Variants in DOCK7 observed in about 807,000 individuals in gnomAD.
The protein encoded by DOCK7 is dedicator of cytokinesis 7, also known as dedicator of cytokinesis protein 7.
Under a neutral mutation model 271.0 loss-of-function variants are expected in DOCK7, and 138 were observed. That is an observed-to-expected ratio of 0.51 (90% CI 0.44 to 0.59). DOCK7 has a LOEUF of 0.59. DOCK7 is among the 20% of genes least tolerant of loss of function. The probability of loss-of-function intolerance (pLI) is 0.00; values close to 1 mark genes in which losing one functional copy is unlikely to be tolerated. For missense variants in DOCK7, 2,066 were observed against 2,592.4 expected (o/e 0.80, Z 4.41); for synonymous variants, 823 against 876.1 (o/e 0.94, Z 1.07).
At chr1:62,600,003 A>T (rs1417015993) in intron 14 of DOCK7, among the ~76,000 whole-genome samples, 1 of 151,996 alleles carries the variant, frequency 6.6e-6, no homozygotes, top group African/African-American at 2.4e-5. Flanking sequence ...TATAAAACAA[A>T]TATTATTACC....
chr1:62,677,437 A>G (rs945324768), intron 1 of DOCK7, among the ~76,000 whole-genome samples: 1 of 152,204 alleles, frequency 6.6e-6, no homozygotes, highest in Non-Finnish European at 1.5e-5. Context: ...TATCCAAGAT[A>G]CGAAGATAAG....
intron 14 of DOCK7, chr1:62,597,798 T>C: frequency 6.2e-7 from 1 of 1,613,508 alleles, no homozygotes; most frequent in Non-Finnish European, 8.5e-7. Flanking sequence ...ACTCAACATA[T>C]TTGATCAGTC....
At chr1:62,641,423 TG>T in intron 7 of DOCK7, 1 of 400,236 alleles carries the variant, frequency 2.5e-6, no homozygotes, top group Non-Finnish European at 5.0e-6. Context: ...CATCTTGAGG[TG>T]GTCCAAAGCA....
At chr1:62,545,246 G>T (rs1557694925) in intron 22 of DOCK7, among the ~76,000 whole-genome samples, 1 of 151,600 alleles carries the variant, frequency 6.6e-6, no homozygotes, top group Non-Finnish European at 1.5e-5. Context: ...AAATCACCAA[G>T]ACCATTAAGT....
At chr1:62,577,411 A>C (rs1218744984) in intron 17 of DOCK7, 48 bp from the exon 18 acceptor site, 27 of 1,437,320 alleles carry the variant, frequency 1.9e-5, no homozygotes, top group Non-Finnish European at 2.5e-5. Context: ...GCTTGCTATA[A>C]AAATAATTAC....
At chr1:62,581,289 A>G (rs1273690593) in intron 16 of DOCK7, among the ~76,000 whole-genome samples, 1 of 152,218 alleles carries the variant, frequency 6.6e-6, no homozygotes, top group Non-Finnish European at 1.5e-5. Flanking sequence ...ACAGGACAGC[A>G]CAGGTTATGT....
intron 25 of DOCK7, 106 bp from the exon 26 acceptor site, chr1:62,539,998 T>C: frequency 2.9e-6 from 2 of 696,544 alleles, no homozygotes; most frequent in Non-Finnish European, 4.4e-6. Flanking sequence ...ATTTAATAGA[T>C]GACTGAAATA....
chr1:62,671,041 T>C (rs1226672659), intron 1 of DOCK7, among the ~76,000 whole-genome samples: 2 of 151,854 alleles, frequency 1.3e-5, no homozygotes, highest in African/African-American at 4.8e-5. Context: ...ACGCGCTGCC[T>C]TAAGAGCTGT....
chr1:62,457,798 TGGGCTTA>T, intron 48 of DOCK7, 93 bp from the exon 49 acceptor site: 9 of 1,194,204 alleles, frequency 7.5e-6, no homozygotes, highest in African/African-American at 1.5e-5. Flanking sequence ...CATATATATG[TGGGCTTA>T]ATGACACACA....
intron 2 of DOCK7, among the ~76,000 whole-genome samples, chr1:62,656,229 T>C (rs1053980059): frequency 9.2e-5 from 14 of 152,146 alleles, no homozygotes; most frequent in African/African-American, 2.4e-5. Flanking sequence ...TGCTTAAAAC[T>C]ATAAAGCTAT....
intron 12 of DOCK7, among the ~76,000 whole-genome samples, chr1:62,624,290 A>G (rs1182746925): frequency 1.2e-4 from 19 of 152,168 alleles, no homozygotes; most frequent in Admixed American, 1.2e-3. Flanking sequence ...CATGCAGTGC[A>G]CTATTTTTTC....
chr1:62,658,685 C>T (rs1183731230), intron 2 of DOCK7, among the ~76,000 whole-genome samples: 2 of 152,078 alleles, frequency 1.3e-5, no homozygotes, highest in African/African-American at 4.8e-5. Flanking sequence ...CGCAGTAGCT[C>T]ATGGCTGTAA....
rs1266566201 is a variant in DOCK7 at position 62,460,632 on chromosome 1, CACACACA to C, written c.6213-2934_6213-2928del. Among the ~76,000 whole-genome samples, 7 of 150,710 alleles carry C rather than the reference CACACACA, an allele frequency of 4.6e-5. No individual in the cohort carries two copies. The South Asian group carries it at 6.3e-4, about 14-fold the overall frequency. On this transcript the variant is annotated intron_variant, in intron 48 of 49. Transcript: ENST00000635253. Reference sequence around the variant, plus strand: ...ACACACACACACACACACACACACACACACACACCCTCCAAGTATTTTTCTTTTTTTC... The same window carrying C: ...ACACACACACACACACACACACACACCCCTCCAAGTATTTTTCTTTTTTTC...
chr1:62,635,100 T>C (rs1233232719), intron 8 of DOCK7, 178 bp from the exon 9 acceptor site: 1 of 411,140 alleles, frequency 2.4e-6, no homozygotes, highest in African/African-American at 2.1e-5. Context: ...AATTTCTATT[T>C]TCTTTTTAAA....
chr1:62,536,020 C>A (rs1645333993), intron 28 of DOCK7, among the ~76,000 whole-genome samples: 3 of 152,086 alleles, frequency 2.0e-5, no homozygotes, highest in Admixed American at 2.0e-4. Context: ...ATAGTCAAGG[C>A]TATTGGTTTC....
chr1:62,535,507 G>A lies in DOCK7; in HGVS notation c.3597C>T (p.Asp1199=), dbSNP rs747030545. Residue 1199 remains aspartate (D), a synonymous_variant, in exon 29 of 50, where the codon GAC becomes GAT. Coordinates refer to ENST00000635253, the MANE Select transcript of DOCK7 (RefSeq NM_001367561.1). ...LVLTELAVIL[D]PDAEGLFGLH... The stretch of plus-strand genomic sequence containing the variant: ...AGTGTACTCACCCTTCAGCATCAGG[G>A]TCTAAAATGACAGCCAGCTCTGTTA... The A allele has an allele frequency of 4.3e-6, 7 of 1,613,744 alleles. No individual in the cohort carries two copies. Among genetic ancestry groups the A allele is most frequent in the Admixed American group, 3.3e-5 (2 of 59,954 alleles).
intron 14 of DOCK7, among the ~76,000 whole-genome samples, chr1:62,594,292 C>T (rs948779382): frequency 2.0e-5 from 3 of 151,978 alleles, no homozygotes; most frequent in Non-Finnish European, 2.9e-5. Context: ...CATTTTCCCA[C>T]GTTGAAATGC....
chr1:62,595,413 T>C (rs1259197935), intron 14 of DOCK7, among the ~76,000 whole-genome samples: 2 of 152,138 alleles, frequency 1.3e-5, no homozygotes, highest in Admixed American at 6.6e-5. Flanking sequence ...ACTGGAGAGA[T>C]GAGAAAACAG....
intron 48 of DOCK7, among the ~76,000 whole-genome samples, chr1:62,460,033 G>A (rs976837790): frequency 1.3e-5 from 2 of 149,626 alleles, no homozygotes; most frequent in Admixed American, 1.3e-4. Flanking sequence ...CTGGGAGGCG[G>A]AGCTTGCAGT....
Sources: allele counts gnomAD v4.1 joint callset (sites outside exome capture counted in the v4.1 genomes callset), GRCh38; gene constraint gnomAD v4.1.1; transcripts MANE v1.5; gene names NCBI Gene and HGNC (gene_info 2026-07-23, HGNC 2026-07-21).